The following ABI1 variants were observed in gnomAD, a reference collection of about 807,000 sequenced individuals.
ABI1 encodes abl interactor 1, also known as Abelson interactor 1.
ABI1 carries 14 observed loss-of-function variants against 54.6 expected under a neutral mutation model. The ratio of observed to expected loss-of-function variants is 0.26; its 90% confidence interval spans 0.17 to 0.40. ABI1 has a LOEUF of 0.40. Ranked by LOEUF, ABI1 falls within the 10% of genes least tolerant of loss-of-function variation. The pLI, the probability that ABI1 is intolerant of heterozygous loss-of-function variation, is 1.00. For missense variants in ABI1, 443 were observed against 598.3 expected (o/e 0.74, Z 2.71); for synonymous variants, 194 against 209.3 (o/e 0.93, Z 0.63).
At chr10:26,768,751 T>C in intron 6 of ABI1, 101 bp downstream of exon 6, 1 of 877,144 alleles carries the variant, frequency 1.1e-6, no homozygotes, top group Non-Finnish European at 1.7e-6. Flanking sequence ...ATATTAGCAT[T>C]AGAGTGGCAC....
chr10:26,828,947 C>A (rs1339982458), intron 1 of ABI1, among the ~76,000 whole-genome samples: 1 of 152,134 alleles, frequency 6.6e-6, no homozygotes, highest in East Asian at 1.9e-4. Context: ...ACCAGTTTAG[C>A]CGGGCGCGGT....
chr10:26,848,298 T>C (rs1359947756), intron 1 of ABI1, among the ~76,000 whole-genome samples: 2 of 151,824 alleles, frequency 1.3e-5, no homozygotes, highest in African/African-American at 4.8e-5. Context: ...AAGAGATTTC[T>C]TCACATCTAA....
intron 1 of ABI1, among the ~76,000 whole-genome samples, chr10:26,852,136 T>C (rs2050444398): frequency 6.6e-6 from 1 of 151,934 alleles, no homozygotes; most frequent in Non-Finnish European, 1.5e-5. Context: ...TCATAAAAAT[T>C]AAAAATAAAA....
At chr10:26,779,792 C>T (rs1483169424) in intron 2 of ABI1, among the ~76,000 whole-genome samples, 1 of 152,076 alleles carries the variant, frequency 6.6e-6, no homozygotes, top group Non-Finnish European at 1.5e-5. Flanking sequence ...GTGGTATAAC[C>T]GTCCACTACA....
chr10:26,835,856 G>C lies in ABI1; in HGVS notation c.118-12551C>G, dbSNP rs532703584. On this transcript the variant is annotated intron_variant, in intron 1 of 10. Transcript: ENST00000376140. ...TGGCTCACTGCAGCCTTGAAATCCTGGGCTCAAGGGATCCTCCCAAGTAGC... is the reference window on the plus strand; with the variant it reads ...TGGCTCACTGCAGCCTTGAAATCCTCGGCTCAAGGGATCCTCCCAAGTAGC... 2.7e-4 allele frequency among the ~76,000 whole-genome samples: 41 copies of C among 149,170 alleles called. No homozygotes were observed. In the South Asian group the frequency reaches 8.0e-3, roughly 29 times the overall value.
chr10:26,856,895 G>A (rs2050862555), intron 1 of ABI1, among the ~76,000 whole-genome samples: 1 of 152,072 alleles, frequency 6.6e-6, no homozygotes. Context: ...CTAACTCTAA[G>A]GTAGAGCACA....
At chr10:26,856,200 T>C (rs2050791832) in intron 1 of ABI1, among the ~76,000 whole-genome samples, 1 of 143,092 alleles carries the variant, frequency 7.0e-6, no homozygotes, top group African/African-American at 2.6e-5. Flanking sequence ...GCAGGAGAAT[T>C]GCTTGGAGGT....
chr10:26,839,501 C>A (rs1023568006), intron 1 of ABI1, among the ~76,000 whole-genome samples: 5 of 151,034 alleles, frequency 3.3e-5, no homozygotes, highest in African/African-American at 4.9e-5. Context: ...GTCTCAAAAA[C>A]AAAAATAAGG....
intron 6 of ABI1, among the ~76,000 whole-genome samples, chr10:26,766,628 T>C (rs996112695): frequency 6.6e-6 from 1 of 152,224 alleles, no homozygotes; most frequent in African/African-American, 2.4e-5. Context: ...AGGTGATCAA[T>C]ACTTAGCTTT....
intron 2 of ABI1, among the ~76,000 whole-genome samples, chr10:26,784,781 C>T (rs545059031): frequency 2.6e-5 from 4 of 152,296 alleles, no homozygotes; most frequent in Non-Finnish European, 4.4e-5. Context: ...ATGACATCAC[C>T]TTGGGCCTAG....
chr10:26,824,202 G>A (rs541846891), intron 1 of ABI1, among the ~76,000 whole-genome samples: 28 of 152,228 alleles, frequency 1.8e-4, no homozygotes, highest in African/African-American at 6.0e-4. Context: ...AGAAATGCAA[G>A]TGCAAACCAA....
chr10:26,792,211 T>C (rs905772293), intron 2 of ABI1, among the ~76,000 whole-genome samples: 2 of 152,232 alleles, frequency 1.3e-5, no homozygotes, highest in Non-Finnish European at 2.9e-5. Flanking sequence ...AACGATGGAT[T>C]CAGAGATGTC....
chr10:26,836,576 C>T (rs1209591080), intron 1 of ABI1, among the ~76,000 whole-genome samples: 1 of 152,116 alleles, frequency 6.6e-6, no homozygotes, highest in African/African-American at 2.4e-5. Flanking sequence ...TCATCCTTTC[C>T]CTCTTGTGAC....
chr10:26,833,451 C>G (rs1214596079), intron 1 of ABI1, among the ~76,000 whole-genome samples: 1 of 152,138 alleles, frequency 6.6e-6, no homozygotes, highest in South Asian at 2.1e-4. Flanking sequence ...CATCCTACAC[C>G]ATACTACAAG....
intron 3 of ABI1, among the ~76,000 whole-genome samples, chr10:26,771,418 AT>A (rs1226992332): frequency 6.6e-6 from 1 of 152,220 alleles, no homozygotes; most frequent in Non-Finnish European, 1.5e-5. Flanking sequence ...AAATACGCTC[AT>A]TTAAATACAA....
chr10:26,813,103 C>T (rs1226986571), intron 2 of ABI1, among the ~76,000 whole-genome samples: 1 of 151,808 alleles, frequency 6.6e-6, no homozygotes, highest in Non-Finnish European at 1.5e-5. Context: ...ACAAAAATGA[C>T]CTAGGTGTGG....
intron 2 of ABI1, among the ~76,000 whole-genome samples, chr10:26,805,456 T>A (rs904828825): frequency 9.9e-5 from 15 of 151,336 alleles, no homozygotes; most frequent in African/African-American, 3.6e-4. Context: ...TATTCTAAGG[T>A]TAATGAGAAC....
At chr10:26,770,169 T>C in intron 5 of ABI1, 76 bp downstream of exon 5, 7 of 1,219,040 alleles carry the variant, frequency 5.7e-6, no homozygotes, top group South Asian at 2.4e-5. Flanking sequence ...ATGGATCCCA[T>C]ACACTTACTT....
intron 2 of ABI1, among the ~76,000 whole-genome samples, chr10:26,801,994 T>G (rs954490016): frequency 6.6e-5 from 10 of 152,224 alleles, no homozygotes; most frequent in African/African-American, 1.9e-4. Context: ...CCTAATAGCA[T>G]GTTTGCTGAC....
Sources: allele counts gnomAD v4.1 joint callset (sites outside exome capture counted in the v4.1 genomes callset), GRCh38; gene constraint gnomAD v4.1.1; transcripts MANE v1.5; gene names NCBI Gene and HGNC (gene_info 2026-07-23, HGNC 2026-07-21).